ERBIN: variants seen among roughly 807,000 people sequenced by gnomAD.
The protein encoded by ERBIN is erbb2 interacting protein, also known as densin-180-like protein.
In ERBIN, 60 loss-of-function variants were observed where a neutral mutation model predicts 158.4. The observed-to-expected ratio is 0.38, with a 90% CI of 0.31 to 0.47. The LOEUF (loss-of-function observed/expected upper bound fraction) is 0.47, where lower values mean the gene tolerates loss of function less well. Ranked by LOEUF, ERBIN falls within the 20% of genes least tolerant of loss-of-function variation. The pLI is 0.99. For synonymous variants in ERBIN, 594 were observed against 557.2 expected (o/e 1.07, Z -0.93); for missense variants, 1,610 against 1,648.0 (o/e 0.98, Z 0.40).
intron 14 of ERBIN, among the ~76,000 whole-genome samples, chr5:66,030,650 C>T (rs1580405864): frequency 6.6e-6 from 1 of 150,616 alleles, no homozygotes; most frequent in Non-Finnish European, 1.5e-5. Flanking sequence ...GGAATCTTCA[C>T]CTCCTGGGCT....
chr5:65,986,949 T>A (rs1466282780), intron 1 of ERBIN, among the ~76,000 whole-genome samples: 1 of 152,192 alleles, frequency 6.6e-6, no homozygotes, highest in East Asian at 1.9e-4. Context: ...TATTGGCTGG[T>A]TATTAATCCT....
At chr5:65,932,059 C>T (rs1743481715) in intron 1 of ERBIN, among the ~76,000 whole-genome samples, 1 of 152,028 alleles carries the variant, frequency 6.6e-6, no homozygotes, top group Non-Finnish European at 1.5e-5. Context: ...CTCAGGTGAT[C>T]TGCCCGCCTC....
chr5:66,055,142 C>T (rs1179978635), intron 21 of ERBIN, 191 bp downstream of exon 21: 8 of 1,322,242 alleles, frequency 6.1e-6, no homozygotes, highest in Admixed American at 3.4e-5. Flanking sequence ...TTTCTATCCT[C>T]TCCTTCACTC....
rs1182495598 is a variant in ERBIN at position 66,072,237 on chromosome 5, C to T, written c.3702C>T (p.Asn1234=). The stretch of plus-strand genomic sequence containing the variant: ...GTATATTCATTTCAGGACAGCAGAA[C>T]TACTCATCAGCCACACTTAGTCACA... ...QDGIFISGQQ[N]YSSATLSHKD... is the part of the protein sequence containing the mutation. Residue 1234 remains asparagine (N), a synonymous_variant, in exon 22 of 26, where the codon AAC becomes AAT. Coordinates refer to ENST00000284037, the MANE Select transcript of ERBIN (RefSeq NM_001253697.2). 1.3e-6 allele frequency: 2 copies of T among 1,550,352 alleles called. No homozygotes were observed. Among genetic ancestry groups the T allele is most frequent in the Admixed American group, 3.9e-5 (2 of 50,988 alleles).
intron 4 of ERBIN, among the ~76,000 whole-genome samples, chr5:66,001,614 A>T (rs1374308584): frequency 2.6e-5 from 4 of 152,202 alleles, no homozygotes; most frequent in African/African-American, 4.8e-5. Context: ...ATTGTTAAAC[A>T]CATGAAATGG....
At chr5:65,938,583 TC>T (rs1744377521) in intron 1 of ERBIN, among the ~76,000 whole-genome samples, 1 of 151,994 alleles carries the variant, frequency 6.6e-6, no homozygotes, top group Non-Finnish European at 1.5e-5. Context: ...GACGGAGTCT[TC>T]CTCTGTCACC....
intron 4 of ERBIN, among the ~76,000 whole-genome samples, chr5:66,003,805 T>C (rs1753247459): frequency 6.6e-6 from 1 of 151,904 alleles, no homozygotes; most frequent in South Asian, 2.1e-4. Flanking sequence ...TCAGAAGGGG[T>C]TTTCTCTTTC....
chr5:66,046,762 G>A (rs1482487673), intron 18 of ERBIN, among the ~76,000 whole-genome samples: 3 of 152,022 alleles, frequency 2.0e-5, no homozygotes, highest in Non-Finnish European at 2.9e-5. Context: ...AGATAGTCTA[G>A]GCTACTGTAA....
intron 1 of ERBIN, among the ~76,000 whole-genome samples, chr5:65,963,423 C>G (rs1014841721): frequency 1.3e-5 from 2 of 152,068 alleles, no homozygotes; most frequent in East Asian, 3.9e-4. Flanking sequence ...CCGTGAAACC[C>G]CGTCTCTACT....
intron 15 of ERBIN, among the ~76,000 whole-genome samples, chr5:66,039,272 A>G (rs1757708350): frequency 6.6e-6 from 1 of 151,898 alleles, no homozygotes; most frequent in Non-Finnish European, 1.5e-5. Context: ...AATGATGATA[A>G]TAGTTCTTTT....
At chr5:65,970,265 C>G (rs1749099458) in intron 1 of ERBIN, among the ~76,000 whole-genome samples, 1 of 152,210 alleles carries the variant, frequency 6.6e-6, no homozygotes, top group African/African-American at 2.4e-5. Flanking sequence ...GCATTGCTAA[C>G]TGAGTGATCT....
At chr5:66,073,920 C>A (rs1761747393) in intron 22 of ERBIN, among the ~76,000 whole-genome samples, 1 of 152,006 alleles carries the variant, frequency 6.6e-6, no homozygotes, top group Admixed American at 6.6e-5. Context: ...GCTCTGTCAC[C>A]CAGGCTAGGG....
chr5:66,069,366 A>G (rs1761327175), intron 21 of ERBIN, among the ~76,000 whole-genome samples: 1 of 152,216 alleles, frequency 6.6e-6, no homozygotes. Flanking sequence ...GCTATATGTA[A>G]TCCATAGACC....
rs568294703 is a variant in ERBIN, at chr5:66,016,300, G to C, written c.533+1575G>C. 2.4e-4 allele frequency among the ~76,000 whole-genome samples: 36 copies of C among 152,256 alleles called. No individual in the cohort carries two copies. In the South Asian group the frequency reaches 4.4e-3, roughly 18 times the overall value. ...ATATTTGAATAACAAGATGTAAATT[G>C]TTTACTGTGATAGCTAAGCCTATAA... is the stretch of plus-strand genomic sequence containing the variant. On this transcript the variant is annotated intron_variant, in intron 7 of 25. Transcript: ENST00000284037.
rs192659908 is a variant in ERBIN, at chr5:65,972,684, G to C, written c.-57-15951G>C. On this transcript the variant is annotated intron_variant, in intron 1 of 25. Coordinates refer to ENST00000284037, the MANE Select transcript of ERBIN (RefSeq NM_001253697.2). The stretch of plus-strand genomic sequence containing the variant: ...TTTGGGATAGTTTTACAGGATTATG[G>C]ATTTTATTCCTAAAATAGATCTGAA... 2.9e-3 allele frequency among the ~76,000 whole-genome samples: 435 copies of C among 151,478 alleles called. 21 individuals carry two copies. Among genetic ancestry groups the C allele is most frequent in the African/African-American group, 0.01 (413 of 40,810 alleles).
At chr5:65,987,578 G>A (rs1356939012) in intron 1 of ERBIN, among the ~76,000 whole-genome samples, 1 of 151,884 alleles carries the variant, frequency 6.6e-6, no homozygotes, top group African/African-American at 2.4e-5. Context: ...AAGTCCAGGC[G>A]TGGTGGCTCA....
In ERBIN at chr5:66,080,775, TACATTGAA is replaced by T. The variant is rs1417162479; in HGVS notation, c.*2246_*2253del. ...AACCTTAACTTCATTGTCTGCACAT[TACATTGAA>T]GTATTATAAATGCAACAGATGTTAT... On this transcript the variant is annotated 3_prime_UTR_variant, in exon 26 of 26. Transcript: ENST00000284037. 1 of 152,050 alleles carries T rather than the reference TACATTGAA, an allele frequency of 6.6e-6. No homozygotes were observed. The highest frequency in any genetic ancestry group is 1.5e-5 in the Non-Finnish European group (1 of 67,890). The allele number at this position is 152,050 out of a possible 1,614,324, so 9.4% of individuals were successfully genotyped here. A position where few individuals can be genotyped will look rare whatever the true frequency, so the allele number is the denominator to read the frequency against.
At position 66,038,547 on chromosome 5, in the gene ERBIN, C is replaced by CT. The variant is rs1434460994; in HGVS notation, c.1306+68dup. On this transcript the variant is annotated intron_variant, in intron 15 of 25. Coordinates refer to ENST00000284037, the MANE Select transcript of ERBIN (RefSeq NM_001253697.2). ...ACTAATTTAAAAGGTGTGAAGTGAACTTTAAGTCTCAGAGACTTTTACCAG... is the reference window on the plus strand; with the variant it reads ...ACTAATTTAAAAGGTGTGAAGTGAACTTTTAAGTCTCAGAGACTTTTACCAG... The CT allele has an allele frequency of 1.3e-4, 153 of 1,221,550 alleles. 1 individual carries two copies. The highest frequency in any genetic ancestry group is 4.3e-5 in the Admixed American group (2 of 46,814). 75.7% of individuals were successfully genotyped at this position (1,221,550 alleles called of 1,614,324 possible). A position where few individuals can be genotyped will look rare whatever the true frequency, so the allele number is the denominator to read the frequency against.
chr5:65,938,126 AG>A (rs1744316137), intron 1 of ERBIN, among the ~76,000 whole-genome samples: 1 of 152,172 alleles, frequency 6.6e-6, no homozygotes, highest in Non-Finnish European at 1.5e-5. Flanking sequence ...GTTATTTTTA[AG>A]AAACCATATA....
Sources: gnomAD v4.1 joint callset for allele counts (sites outside exome capture counted in the v4.1 genomes callset) on GRCh38, gnomAD v4.1.1 for gene constraint, MANE v1.5 for transcripts, NCBI Gene and HGNC (gene_info 2026-07-23, HGNC 2026-07-21) for gene names.